Variants in GAGE2A observed in about 807,000 individuals in gnomAD.
The protein encoded by GAGE2A is G antigen 2A.
In GAGE2A at chrX:49,589,763, G is replaced by A. The variant is rs1330339191; in HGVS notation, c.-9+160G>A. On this transcript the variant is annotated intron_variant, in intron 1 of 4. Coordinates refer to ENST00000362097, the MANE Select transcript of GAGE2A (RefSeq NM_001127212.4). The stretch of plus-strand genomic sequence containing the variant: ...CTTCACAGGCTGCGAGGCCACCGGC[G>A]GCTTCGTGGTCGTGAAGGGGCCTGG... Among the ~76,000 whole-genome samples the A allele has an allele frequency of 2.1e-4, 24 of 111,714 alleles. 1 individual carries two copies. Among genetic ancestry groups the A allele is most frequent in the African/African-American group, 6.8e-4 (20 of 29,365 alleles).
intron 1 of GAGE2A, among the ~76,000 whole-genome samples, chrX:49,589,922 C>T (rs1197254800): frequency 3.5e-5 from 4 of 114,098 alleles, no homozygotes; most frequent in African/African-American, 1.3e-4. Flanking sequence ...CTGAATGGGG[C>T]CCCCGGCGGG....
chrX:49,591,410 C>G (rs1175946102), intron 3 of GAGE2A, 93 bp downstream of exon 3: 1 of 871,270 alleles, frequency 1.1e-6, no homozygotes, highest in African/African-American at 2.0e-5. Flanking sequence ...GTGTGTTAGG[C>G]ATTGTCACAT....
chrX:49,589,891 C>T (rs1557130046), intron 1 of GAGE2A, among the ~76,000 whole-genome samples: 3 of 113,865 alleles, frequency 2.6e-5, no homozygotes, highest in African/African-American at 9.7e-5. Context: ...CCGGGATCCC[C>T]GACGACACAG....
At chrX:49,591,540 G>A (rs1557130563) in intron 3 of GAGE2A, among the ~76,000 whole-genome samples, 2 of 102,016 alleles carry the variant, frequency 2.0e-5, no homozygotes, top group African/African-American at 7.1e-5. Context: ...AAAAGTTCTC[G>A]ACTTTATGAA....
chrX:49,590,018 C>T (rs1353067381), intron 1 of GAGE2A, among the ~76,000 whole-genome samples: 61 of 113,807 alleles, frequency 5.4e-4, no homozygotes, highest in African/African-American at 2.0e-3. Flanking sequence ...GAGTGCGGAG[C>T]GCCCGAGTGA....
chrX:49,595,442 T>G (rs1173130919), intron 4 of GAGE2A, among the ~76,000 whole-genome samples: 4 of 10,036 alleles, frequency 4.0e-4, no homozygotes, highest in Non-Finnish European at 7.4e-4. Flanking sequence ...TTGTTTTCAT[T>G]TTTGTAGAGA....
At chrX:49,591,616 G>A (rs1292919805) in intron 3 of GAGE2A, among the ~76,000 whole-genome samples, 8 of 98,839 alleles carry the variant, frequency 8.1e-5, no homozygotes, top group African/African-American at 2.9e-4. Flanking sequence ...TACAACATTT[G>A]TACTGTGTTC....
At chrX:49,591,026 G>T (rs5953311) in intron 2 of GAGE2A, among the ~76,000 whole-genome samples, 171 bp from the exon 3 acceptor site, 6,152 of 68,121 alleles carry the variant, frequency 0.09, no homozygotes, top group East Asian at 0.17. Context: ...TTTTCTCACA[G>T]TATCCTCCCT....
At chrX:49,590,885 A>AT (rs782113738) in intron 2 of GAGE2A, among the ~76,000 whole-genome samples, 154 bp downstream of exon 2, 4,496 of 80,856 alleles carry the variant, frequency 0.056, no homozygotes, top group Middle Eastern at 0.12. Flanking sequence ...ATTCTGGAGG[A>AT]TTTTTTTTTT....
chrX:49,591,050 C>T (rs2066594215), intron 2 of GAGE2A, 147 bp from the exon 3 acceptor site: 1 of 989,400 alleles, frequency 1.0e-6, no homozygotes, highest in Non-Finnish European at 1.4e-6. Context: ...GGTGGAGTAA[C>T]CTTATTGGGC....
intron 2 of GAGE2A, among the ~76,000 whole-genome samples, chrX:49,590,981 A>G (rs75519784): frequency 0.13 from 10,273 of 80,419 alleles, no homozygotes; most frequent in Non-Finnish European, 0.21. Context: ...ATTCCAACAC[A>G]GAGTATAATA....
At position 49,589,578 on chromosome X, in the gene GAGE2A, CTT is replaced by C. The variant is rs1557129976; in HGVS notation, c.-30_-29del. The C allele has an allele frequency of 1.2e-5, 1 of 82,947 alleles. No homozygotes were observed. The highest frequency in any genetic ancestry group is 2.2e-5 in the Non-Finnish European group (1 of 45,552). 6.8% of individuals were successfully genotyped at this position (82,947 alleles called of 1,213,427 possible). ...CTGTGTGGTTCCTGCCGTCCGGACT[CTT>C]TTTCCTCTACTGAGATTCATCTGGT... On this transcript the variant is annotated 5_prime_UTR_variant, in exon 1 of 5. Coordinates refer to ENST00000362097, the MANE Select transcript of GAGE2A (RefSeq NM_001127212.4).
chrX:49,589,623 A>AG lies in GAGE2A; in HGVS notation c.-9+20_-9+21insG, dbSNP rs2066584746. 1 of 100,447 alleles carries AG rather than the reference A, an allele frequency of 1.0e-5. No individual in the cohort carries two copies. The highest frequency in any genetic ancestry group is 1.0e-4 in the Admixed American group (1 of 9,983). 8.3% of individuals were successfully genotyped at this position (100,447 alleles called of 1,213,427 possible). On this transcript the variant is annotated intron_variant, in intron 1 of 4. Coordinates refer to ENST00000362097, the MANE Select transcript of GAGE2A (RefSeq NM_001127212.4). ...CATCTGGTAGGTGTGCAGGCCAGTC[A>AG]TCCCGGGGGCTGAAGTGTGAGTGAG...
chrX:49,591,679 T>C (rs2066599938), intron 3 of GAGE2A, among the ~76,000 whole-genome samples: 1 of 67,190 alleles, frequency 1.5e-5, no homozygotes, highest in Non-Finnish European at 3.4e-5. Flanking sequence ...GAAGTGATTT[T>C]GCTGAAAATG....
chrX:49,590,160 A>C (rs2869195), intron 1 of GAGE2A, among the ~76,000 whole-genome samples: 9,378 of 75,486 alleles, frequency 0.12, no homozygotes, highest in East Asian at 0.2. Flanking sequence ...AGTGTGCCCA[A>C]AGCAGCAATC....
chrX:49,591,542 C>T (rs1287475772), intron 3 of GAGE2A, among the ~76,000 whole-genome samples: 25 of 102,048 alleles, frequency 2.4e-4, no homozygotes, highest in African/African-American at 8.9e-4. Flanking sequence ...AAGTTCTCGA[C>T]TTTATGAATG....
chrX:49,590,103 C>G (rs1422550377), intron 1 of GAGE2A, among the ~76,000 whole-genome samples: 68 of 113,164 alleles, frequency 6.0e-4, no homozygotes, highest in African/African-American at 2.2e-3. Flanking sequence ...GCAGTGCGGT[C>G]CAACCAAACT....
Sources: allele counts gnomAD v4.1 joint callset (sites outside exome capture counted in the v4.1 genomes callset), GRCh38; gene constraint gnomAD v4.1.1; transcripts MANE v1.5; gene names NCBI Gene and HGNC (gene_info 2026-07-23, HGNC 2026-07-21).